The following RAI14 variants were observed in gnomAD, a reference collection of about 807,000 sequenced individuals.
RAI14 encodes ankycorbin.
RAI14 carries 45 observed loss-of-function variants against 115.4 expected under a neutral mutation model. That is an observed-to-expected ratio of 0.39 (90% CI 0.31 to 0.50). RAI14 has a LOEUF of 0.50. RAI14 is among the 20% of genes least tolerant of loss of function. The pLI, the probability that RAI14 is intolerant of heterozygous loss-of-function variation, is 0.85. For synonymous variants in RAI14, 371 were observed against 415.4 expected (o/e 0.89, Z 1.30); for missense variants, 939 against 1,131.2 (o/e 0.83, Z 2.44).
chr5:34,708,693 G>A (rs1471244278), intron 2 of RAI14, among the ~76,000 whole-genome samples: 1 of 152,154 alleles, frequency 6.6e-6, no homozygotes, highest in Non-Finnish European at 1.5e-5. Context: ...GTTTTGCCAA[G>A]TTATAACAGT....
chr5:34,739,797 C>T (rs1745275711), intron 2 of RAI14, among the ~76,000 whole-genome samples: 1 of 152,210 alleles, frequency 6.6e-6, no homozygotes, highest in African/African-American at 2.4e-5. Flanking sequence ...TGTGGTGGCT[C>T]ATGCCTGTAA....
chr5:34,788,948 G>A (rs148401546), intron 3 of RAI14, among the ~76,000 whole-genome samples: 513 of 152,302 alleles, frequency 3.4e-3, no homozygotes, highest in Non-Finnish European at 5.9e-3. Context: ...TAGCCTGGGC[G>A]ACAGAGTGAG....
Position 34,812,354 on chromosome 5 carries a change from A to T in RAI14, c.765+146A>T. ...GGACTGAAATATCTTTGAATAAATA[A>T]GTCATTGTTATAAGGTGTTAAAGGT... is the stretch of plus-strand genomic sequence containing the variant. On this transcript the variant is annotated intron_variant, in intron 10 of 17. Transcript: ENST00000265109. 10 of 852,898 alleles carry T rather than the reference A, an allele frequency of 1.2e-5. No individual in the cohort carries two copies. The South Asian group carries it at 1.9e-4, about 16-fold the overall frequency. 52.8% of individuals were successfully genotyped at this position (852,898 alleles called of 1,614,324 possible).
chr5:34,809,539 A>T (rs889162303), intron 7 of RAI14, among the ~76,000 whole-genome samples: 1 of 151,894 alleles, frequency 6.6e-6, no homozygotes, highest in Non-Finnish European at 1.5e-5. Context: ...ATTGAAAATC[A>T]GTCAGATTTT....
chr5:34,723,933 T>C (rs570089362), intron 2 of RAI14, among the ~76,000 whole-genome samples: 1 of 152,328 alleles, frequency 6.6e-6, no homozygotes, highest in Admixed American at 6.5e-5. Flanking sequence ...GGTCTATGCT[T>C]TTTTGCCTTG....
intron 2 of RAI14, chr5:34,733,039 T>C (rs951799757): frequency 6.6e-6 from 1 of 152,100 alleles, no homozygotes; most frequent in African/African-American, 2.4e-5. Context: ...ACTGATCTGC[T>C]CAGTTTATTT....
intron 3 of RAI14, among the ~76,000 whole-genome samples, chr5:34,773,214 A>C (rs1389712776): frequency 6.6e-6 from 1 of 152,194 alleles, no homozygotes; most frequent in East Asian, 1.9e-4. Flanking sequence ...CATATGTAGA[A>C]GAATGAAATT....
intron 2 of RAI14, among the ~76,000 whole-genome samples, chr5:34,690,964 T>G (rs1222366507): frequency 6.6e-6 from 1 of 152,300 alleles, no homozygotes; most frequent in East Asian, 1.9e-4. Context: ...CAGTATAGAA[T>G]ATAGATACTC....
At position 34,672,916 on chromosome 5, in the gene RAI14, A is replaced by G. The variant is rs1743719965; in HGVS notation, c.-48-13956A>G. 3.4e-5 allele frequency among the ~76,000 whole-genome samples: 5 copies of G among 149,100 alleles called. No individual in the cohort carries two copies. In the Admixed American group the frequency reaches 3.4e-4, roughly 10 times the overall value. On this transcript the variant is annotated intron_variant, in intron 1 of 17. Coordinates refer to ENST00000265109, the MANE Select transcript of RAI14 (RefSeq NM_015577.3). The stretch of plus-strand genomic sequence containing the variant: ...CTATCCTGAAGGTTTTGTTTTTCCT[A>G]TTCCTCCTTAGCCTGTACTCAAGGG...
intron 3 of RAI14, among the ~76,000 whole-genome samples, chr5:34,761,931 A>AT (rs1036586197): frequency 6.5e-4 from 99 of 152,046 alleles, no homozygotes; most frequent in African/African-American, 2.3e-3. Context: ...ACCCACCTTT[A>AT]TTCTATTATA....
intron 2 of RAI14, among the ~76,000 whole-genome samples, chr5:34,702,668 T>C (rs1465573102): frequency 6.6e-6 from 1 of 152,210 alleles, no homozygotes; most frequent in East Asian, 1.9e-4. Context: ...GCCACTGTTA[T>C]AATTTTGGAC....
chr5:34,666,526 G>C (rs74608872), intron 1 of RAI14, among the ~76,000 whole-genome samples: 371 of 152,340 alleles, frequency 2.4e-3, no homozygotes, highest in African/African-American at 8.6e-3. Context: ...TCAGCTGGAA[G>C]CCTGCTCTTC....
At chr5:34,758,718 T>C (rs1748220075) in intron 3 of RAI14, among the ~76,000 whole-genome samples, 3 of 152,198 alleles carry the variant, frequency 2.0e-5, no homozygotes, top group South Asian at 2.1e-4. Flanking sequence ...TGTTGTCTGA[T>C]TTTATAAATA....
Position 34,664,023 on chromosome 5 carries a change from G to A in RAI14, c.-49+7548G>A, listed in dbSNP as rs115434953. ...TAATTCCATGACCATATGTCACACC[G>A]GGGCAAGGGGACACCTTTGGGAAGT... is the stretch of plus-strand genomic sequence containing the variant. On this transcript the variant is annotated intron_variant, in intron 1 of 17. Transcript: ENST00000265109. Among the ~76,000 whole-genome samples the A allele has an allele frequency of 8.1e-3, 1,233 of 152,110 alleles. 19 individuals carry two copies. The highest frequency in any genetic ancestry group is 0.028 in the African/African-American group (1,174 of 41,480).
chr5:34,746,082 A>AC (rs1287122655), intron 2 of RAI14, among the ~76,000 whole-genome samples: 573 of 23,494 alleles, frequency 0.024, no homozygotes, highest in Non-Finnish European at 0.034. Flanking sequence ...CCCCTTATAC[A>AC]CCACCCCCTC....
intron 13 of RAI14, among the ~76,000 whole-genome samples, chr5:34,821,358 A>C (rs1756809001): frequency 6.6e-6 from 1 of 152,192 alleles, no homozygotes; most frequent in Non-Finnish European, 1.5e-5. Context: ...AGGGGGAAAG[A>C]AATAAACCAG....
intron 2 of RAI14, among the ~76,000 whole-genome samples, chr5:34,743,577 C>T (rs1408392549): frequency 6.6e-6 from 1 of 152,220 alleles, no homozygotes; most frequent in African/African-American, 2.4e-5. Context: ...TGAACCCCCA[C>T]AGTCACTTAG....
intron 4 of RAI14, among the ~76,000 whole-genome samples, chr5:34,797,624 T>C (rs1301617543): frequency 6.6e-6 from 1 of 152,132 alleles, no homozygotes; most frequent in African/African-American, 2.4e-5. Flanking sequence ...AACACCAATA[T>C]AGGGGGATAA....
chr5:34,671,300 A>C (rs1743603191), intron 1 of RAI14, among the ~76,000 whole-genome samples: 2 of 152,196 alleles, frequency 1.3e-5, no homozygotes, highest in Admixed American at 1.3e-4. Context: ...GTTTGCACAC[A>C]CTAGGAGTCC....
Sources: gnomAD v4.1 joint callset for allele counts (sites outside exome capture counted in the v4.1 genomes callset) on GRCh38, gnomAD v4.1.1 for gene constraint, MANE v1.5 for transcripts, NCBI Gene and HGNC (gene_info 2026-07-23, HGNC 2026-07-21) for gene names.